The following CEP70 variants were observed in gnomAD, a reference collection of about 807,000 sequenced individuals.
The protein encoded by CEP70 is centrosomal protein of 70 kDa.
In CEP70, 70 loss-of-function variants were observed where a neutral mutation model predicts 90.9. The ratio of observed to expected loss-of-function variants is 0.77; its 90% CI spans 0.64 to 0.94. CEP70 has a LOEUF of 0.94. Ranked by LOEUF, CEP70 falls within the 40% of genes least tolerant of loss-of-function variation. CEP70 has a pLI of 0.00. For missense variants in CEP70, 648 were observed against 669.0 expected, an observed-to-expected ratio of 0.97 and a Z score of 0.35; for synonymous variants, 220 against 228.3, an observed-to-expected ratio of 0.96 and a Z score of 0.33.
chr3:138,536,532 A>G (rs1462631029), intron 7 of CEP70, among the ~76,000 whole-genome samples: 1 of 152,060 alleles, frequency 6.6e-6, no homozygotes, highest in Non-Finnish European at 1.5e-5. Context: ...GAATATATTA[A>G]TATCAAAGAA....
At chr3:138,562,197 C>T (rs750594022) in intron 6 of CEP70, among the ~76,000 whole-genome samples, 8 of 151,692 alleles carry the variant, frequency 5.3e-5, no homozygotes, top group East Asian at 1.9e-4. Flanking sequence ...AAGAAATATG[C>T]GACTATGTGA....
At chr3:138,577,520 T>C (rs2041614061) in intron 2 of CEP70, among the ~76,000 whole-genome samples, 1 of 152,014 alleles carries the variant, frequency 6.6e-6, no homozygotes, top group Non-Finnish European at 1.5e-5. Flanking sequence ...TGGTGGCTCA[T>C]GCCTGTAATC....
chr3:138,515,397 C>T (rs1475638912), intron 11 of CEP70, among the ~76,000 whole-genome samples: 1 of 142,490 alleles, frequency 7.0e-6, no homozygotes, highest in Non-Finnish European at 1.5e-5. Flanking sequence ...TGGATAAGAA[C>T]ACCAAACAGC....
At chr3:138,525,158 G>A (rs374151196) in intron 11 of CEP70, among the ~76,000 whole-genome samples, 4,517 of 151,752 alleles carry the variant, frequency 0.03, 87 homozygotes, top group Middle Eastern at 0.095. Flanking sequence ...GCAAACTATC[G>A]CAAGGACAAA....
chr3:138,503,190 C>G lies in CEP70; in HGVS notation c.1221+2105G>C, dbSNP rs1437465159. On this transcript the variant is annotated intron_variant, in intron 13 of 17. Transcript: ENST00000264982. ...CCCATTAAACAATAACTTCCCATTT[C>G]CCTCCTCCCTCTAGCCATCACCACT... 2.0e-5 allele frequency among the ~76,000 whole-genome samples: 3 copies of G among 152,106 alleles called. No individual in the cohort carries two copies. In the South Asian group the frequency reaches 6.2e-4, roughly 32 times the overall value.
At chr3:138,500,014 C>T (rs2034340611) in intron 16 of CEP70, 96 bp downstream of exon 16, 2 of 811,178 alleles carry the variant, frequency 2.5e-6, no homozygotes, top group Non-Finnish European at 4.3e-6. Flanking sequence ...TCAAGTGATC[C>T]TCCCACATCA....
At position 138,561,724 on chromosome 3, in the gene CEP70, C is replaced by T. The variant is rs566750264; in HGVS notation, c.465+8594G>A. On this transcript the variant is annotated intron_variant, in intron 6 of 17. Coordinates refer to ENST00000264982, the MANE Select transcript of CEP70 (RefSeq NM_024491.4). ...AACCTGATGGAGCTGAAAAACACAG[C>T]ATAAGAACTTCATGAAGCTGGCCGG... is the stretch of plus-strand genomic sequence containing the variant. Among the ~76,000 whole-genome samples, 5 of 152,178 alleles carry T rather than the reference C, an allele frequency of 3.3e-5. No individual in the cohort carries two copies. In the South Asian group the frequency reaches 1.0e-3, roughly 32 times the overall value.
chr3:138,543,306 C>T (rs567527898), intron 6 of CEP70, among the ~76,000 whole-genome samples: 13 of 152,222 alleles, frequency 8.5e-5, no homozygotes, highest in African/African-American at 2.7e-4. Context: ...CTTCTGCGCT[C>T]GTCGGCATCC....
chr3:138,559,752 A>G (rs1481249786), intron 6 of CEP70, among the ~76,000 whole-genome samples: 1 of 152,168 alleles, frequency 6.6e-6, no homozygotes, highest in African/African-American at 2.4e-5. Flanking sequence ...AAACAAAAAC[A>G]AGGAGAAAAA....
At chr3:138,560,761 G>A (rs746091118) in intron 6 of CEP70, among the ~76,000 whole-genome samples, 5 of 152,068 alleles carry the variant, frequency 3.3e-5, no homozygotes, top group African/African-American at 7.2e-5. Flanking sequence ...CCAGAAGTTC[G>A]AACTAGATGG....
At chr3:138,540,447 G>A (rs1367372729) in intron 6 of CEP70, among the ~76,000 whole-genome samples, 10 of 147,496 alleles carry the variant, frequency 6.8e-5, no homozygotes, top group East Asian at 6.0e-4. Context: ...CCACACCACT[G>A]CACTCCAGCC....
At chr3:138,509,288 G>A (rs1393329617) in intron 11 of CEP70, among the ~76,000 whole-genome samples, 1 of 152,174 alleles carries the variant, frequency 6.6e-6, no homozygotes, top group African/African-American at 2.4e-5. Context: ...CCACTGGTTT[G>A]GGTACTGTAG....
intron 11 of CEP70, among the ~76,000 whole-genome samples, chr3:138,509,598 G>A (rs574912003): frequency 4.1e-4 from 62 of 152,236 alleles, no homozygotes; most frequent in South Asian, 1.7e-3. Flanking sequence ...ACGCTGATCC[G>A]TAGTTTCATT....
chr3:138,521,604 C>T (rs1170545675), intron 11 of CEP70, among the ~76,000 whole-genome samples: 3 of 149,158 alleles, frequency 2.0e-5, no homozygotes, highest in Admixed American at 1.3e-4. Flanking sequence ...GCATCTCTAC[C>T]TGGCCGCCAC....
chr3:138,560,380 T>G (rs1484940540), intron 6 of CEP70, among the ~76,000 whole-genome samples: 1 of 152,056 alleles, frequency 6.6e-6, no homozygotes, highest in East Asian at 1.9e-4. Flanking sequence ...ACCGGAAGAT[T>G]CCCTCCAGTG....
At chr3:138,537,054 G>A (rs2107810989) in intron 7 of CEP70, 124 bp downstream of exon 7, 1 of 535,666 alleles carries the variant, frequency 1.9e-6, no homozygotes, top group Non-Finnish European at 3.0e-6. Flanking sequence ...ATGCAGAAGA[G>A]GAGGAGAGAG....
At chr3:138,556,572 C>T (rs1185269692) in intron 6 of CEP70, among the ~76,000 whole-genome samples, 1 of 151,624 alleles carries the variant, frequency 6.6e-6, no homozygotes, top group African/African-American at 2.4e-5. Context: ...GGAACCTGCC[C>T]CCGACAGTCA....
Position 138,499,497 on chromosome 3 carries a change from A to G in CEP70, c.1652+613T>C, listed in dbSNP as rs1237958700. On this transcript the variant is annotated intron_variant, in intron 16 of 17. Transcript: ENST00000264982. ...TAACAAGGTTTGAATTTCTCCATAT[A>G]TAATATTTCCTGAAAACAGGCTTAT... is the stretch of plus-strand genomic sequence containing the variant. Among the ~76,000 whole-genome samples the G allele has an allele frequency of 6.6e-5, 10 of 152,226 alleles. No individual in the cohort carries two copies. In the East Asian group the frequency reaches 1.9e-3, roughly 29 times the overall value.
intron 11 of CEP70, among the ~76,000 whole-genome samples, chr3:138,513,201 C>T (rs1021869354): frequency 6.6e-6 from 1 of 152,218 alleles, no homozygotes; most frequent in African/African-American, 2.4e-5. Context: ...ACTGCAATCT[C>T]TCGAGACAGT....
Sources: gnomAD v4.1 joint callset for allele counts (sites outside exome capture counted in the v4.1 genomes callset) on GRCh38, gnomAD v4.1.1 for gene constraint, MANE v1.5 for transcripts, NCBI Gene and HGNC (gene_info 2026-07-23, HGNC 2026-07-21) for gene names.